C10orf143: variants seen among roughly 807,000 people sequenced by gnomAD.
C10orf143 encodes the protein uncharacterized protein C10orf143.
intron 1 of C10orf143, among the ~76,000 whole-genome samples, chr10:130,092,404 C>T (rs1474428980): frequency 6.6e-6 from 1 of 152,180 alleles, no homozygotes; most frequent in Non-Finnish European, 1.5e-5. Context: ...CTTACAAAAG[C>T]TCCTGAGGGA....
Position 130,110,758 on chromosome 10 carries a change from C to T in C10orf143, c.15G>A (p.Ala5=). The T allele has an allele frequency of 2.5e-6, 1 of 398,980 alleles. No homozygotes were observed. The highest frequency in any genetic ancestry group is 4.4e-6 in the Non-Finnish European group (1 of 226,138). 24.7% of individuals were successfully genotyped at this position (398,980 alleles called of 1,614,324 possible). MDSL[A]LGRWRQRRAE... is the part of the protein sequence containing the mutation. Reference sequence around the variant, plus strand: ...CCCTCCGCTGTCGCCAGCGGCCGAGCGCTAAGCTGTCCATGCAGCCCCAGG... The same window carrying T: ...CCCTCCGCTGTCGCCAGCGGCCGAGTGCTAAGCTGTCCATGCAGCCCCAGG... The change falls in exon 1 of 4, where the codon GCG becomes GCA. Residue 5 remains alanine, a synonymous_variant. Transcript: ENST00000637128.
chr10:130,092,934 T>C (rs987624616), intron 1 of C10orf143, among the ~76,000 whole-genome samples: 1 of 152,200 alleles, frequency 6.6e-6, no homozygotes, highest in Middle Eastern at 3.2e-3. Flanking sequence ...CTAAGAGACC[T>C]ACAAAGAGAT....
intron 1 of C10orf143, among the ~76,000 whole-genome samples, chr10:130,088,854 T>C (rs1318047672): frequency 6.6e-6 from 1 of 152,218 alleles, no homozygotes; most frequent in Non-Finnish European, 1.5e-5. Flanking sequence ...AGGAGGTTTC[T>C]TTCTATGACA....
chr10:130,102,136 G>A (rs954969019), intron 1 of C10orf143, among the ~76,000 whole-genome samples: 27 of 152,156 alleles, frequency 1.8e-4, no homozygotes, highest in African/African-American at 6.5e-4. Context: ...GGGATGGGGT[G>A]CCATGTGCCT....
At chr10:130,082,731 C>T (rs1309084473) in intron 1 of C10orf143, among the ~76,000 whole-genome samples, 8 of 152,214 alleles carry the variant, frequency 5.3e-5, no homozygotes, top group African/African-American at 1.7e-4. Flanking sequence ...TTATCAGCAG[C>T]GTGAAAACAG....
chr10:130,107,387 C>G (rs767967540), intron 1 of C10orf143: 1 of 1,131,724 alleles, frequency 8.8e-7, no homozygotes. Flanking sequence ...TCATTATTAT[C>G]AACGGCAGAT....
At chr10:130,068,480 A>G (rs530068642) in intron 3 of C10orf143, 1 of 152,244 alleles carries the variant, frequency 6.6e-6, no homozygotes, top group East Asian at 1.9e-4. Context: ...GCATGGTGGC[A>G]CACACCTGTA....
intron 3 of C10orf143, among the ~76,000 whole-genome samples, chr10:130,058,431 G>C (rs1860819084): frequency 6.6e-6 from 1 of 152,112 alleles, no homozygotes; most frequent in Non-Finnish European, 1.5e-5. Context: ...CACGGTGTCT[G>C]ACATACAGGG....
intron 1 of C10orf143, among the ~76,000 whole-genome samples, chr10:130,091,796 C>G (rs1861386911): frequency 6.6e-6 from 1 of 151,178 alleles, no homozygotes; most frequent in African/African-American, 2.5e-5. Context: ...CCAAATCGAC[C>G]AAGCCAAAGA....
chr10:130,093,213 T>A (rs1407003965), intron 1 of C10orf143, among the ~76,000 whole-genome samples: 2 of 152,004 alleles, frequency 1.3e-5, no homozygotes, highest in African/African-American at 4.8e-5. Flanking sequence ...ATCAAAACAG[T>A]CTCTCAGACC....
intron 1 of C10orf143, among the ~76,000 whole-genome samples, chr10:130,089,551 TCTG>T (rs1293168718): frequency 2.0e-5 from 3 of 152,094 alleles, no homozygotes; most frequent in Non-Finnish European, 4.4e-5. Context: ...GGGTCTTGAG[TCTG>T]CTTTCAGGCT....
At chr10:130,073,988 T>G (rs1861073516) in intron 3 of C10orf143, among the ~76,000 whole-genome samples, 1 of 152,148 alleles carries the variant, frequency 6.6e-6, no homozygotes, top group Admixed American at 6.5e-5. Flanking sequence ...TGTGAGTAAA[T>G]CAGCCCTGTG....
intron 3 of C10orf143, among the ~76,000 whole-genome samples, chr10:130,047,043 G>A (rs542565656): frequency 1.3e-5 from 2 of 152,360 alleles, no homozygotes; most frequent in South Asian, 4.1e-4. Flanking sequence ...TTCACTGGAA[G>A]AGATGTGTCT....
intron 3 of C10orf143, among the ~76,000 whole-genome samples, chr10:130,052,942 C>G (rs1431923173): frequency 6.6e-6 from 1 of 152,230 alleles, no homozygotes; most frequent in Admixed American, 6.5e-5. Context: ...TGCAGCCAAA[C>G]AGGAATACCA....
chr10:130,086,486 T>G (rs191770919), intron 1 of C10orf143, among the ~76,000 whole-genome samples: 3 of 152,360 alleles, frequency 2.0e-5, no homozygotes, highest in African/African-American at 7.2e-5. Context: ...TGCAGCCTTC[T>G]ATGTCTTCAC....
intron 3 of C10orf143, among the ~76,000 whole-genome samples, chr10:130,077,829 C>G (rs912941929): frequency 6.6e-6 from 1 of 152,206 alleles, no homozygotes; most frequent in African/African-American, 2.4e-5. Context: ...CAGCTATAGT[C>G]TGTTCAAATA....
At chr10:130,099,510 T>TTTTTTTTA (rs991203504) in intron 1 of C10orf143, among the ~76,000 whole-genome samples, 2 of 148,548 alleles carry the variant, frequency 1.3e-5, no homozygotes, top group African/African-American at 5.0e-5. Context: ...CTTCTTTTAT[T>TTTTTTTTA]TTTATTTATT....
chr10:130,045,555 C>A (rs1860658147), intron 3 of C10orf143, among the ~76,000 whole-genome samples: 1 of 152,222 alleles, frequency 6.6e-6, no homozygotes, highest in South Asian at 2.1e-4. Flanking sequence ...CGCGAGGCGC[C>A]CCTGGGAGCT....
chr10:130,041,883 AAC>A lies in C10orf143; in HGVS notation c.298-5915_298-5914del, dbSNP rs143782686. On this transcript the variant is annotated intron_variant and NMD_transcript_variant, in intron 3 of 5. Coordinates refer to the C10orf143 transcript ENST00000643056. ...TGCATACTCTCACATGAACACGTGT[AAC>A]ACACACACACACACATGCACACACT... Among the ~76,000 whole-genome samples the A allele has an allele frequency of 2.4e-3, 360 of 151,970 alleles. 3 individuals are homozygous for A. Among genetic ancestry groups the A allele is most frequent in the African/African-American group, 4.9e-3 (203 of 41,486 alleles).
Sources: allele counts gnomAD v4.1 joint callset (sites outside exome capture counted in the v4.1 genomes callset), GRCh38; gene constraint gnomAD v4.1.1; transcripts MANE v1.5; gene names NCBI Gene and HGNC (gene_info 2026-07-23, HGNC 2026-07-21).